The following LRRC37B variants were observed in gnomAD, a reference collection of about 807,000 sequenced individuals.
LRRC37B encodes the protein leucine rich repeat containing 37B.
In LRRC37B, 28 loss-of-function variants were observed where a neutral mutation model predicts 98.3. The ratio of observed to expected loss-of-function variants is 0.28; its 90% CI spans 0.21 to 0.39. The LOEUF is 0.39. Among genes scored for constraint, LRRC37B ranks in the 10% least tolerant of loss-of-function variants. LRRC37B has a pLI of 1.00. For missense variants in LRRC37B, 938 were observed against 1,182.7 expected (o/e 0.79, Z 3.03); for synonymous variants, 364 against 442.7 (o/e 0.82, Z 2.23).
Position 32,039,601 on chromosome 17 carries a change from TTA to T in LRRC37B, c.2204+3978_2204+3979del, listed in dbSNP as rs200331701. 1.4e-3 allele frequency among the ~76,000 whole-genome samples: 189 copies of T among 133,176 alleles called. 1 individual carries two copies. The East Asian group carries it at 0.019, about 13-fold the overall frequency. 87.4% of individuals were successfully genotyped at this position (133,176 alleles called of 152,430 possible). On this transcript the variant is annotated intron_variant, in intron 7 of 11. Coordinates refer to ENST00000327564, the Ensembl canonical transcript of LRRC37B. ...TATATATTTTATATATTTATATATA[TTA>T]TATATATATATATATTTCTGCAAGG...
chr17:32,025,652 A>G (rs1035435543), intron 2 of LRRC37B, among the ~76,000 whole-genome samples: 5 of 152,214 alleles, frequency 3.3e-5, no homozygotes, highest in Admixed American at 2.0e-4. Flanking sequence ...CCATTCATTT[A>G]AACTCCTGCA....
chr17:32,022,476 G>A, exon 1 of LRRC37B: 1 of 1,612,940 alleles, frequency 6.2e-7, no homozygotes, highest in Non-Finnish European at 8.5e-7. Flanking sequence ...GGAAACCTCA[G>A]CTCAGCCTCC....
At chr17:32,021,897 C>T in exon 1 of LRRC37B, 1 of 1,614,158 alleles carries the variant, frequency 6.2e-7, no homozygotes, top group Non-Finnish European at 8.5e-7. Context: ...GCCTCCAGGG[C>T]CTCCTGAGCA....
intron 3 of LRRC37B, among the ~76,000 whole-genome samples, chr17:32,029,263 G>A (rs528185820): frequency 3.3e-5 from 5 of 152,258 alleles, no homozygotes; most frequent in African/African-American, 1.2e-4. Flanking sequence ...CTCCCAAAGT[G>A]CTGGGATTAC....
In LRRC37B at chr17:32,035,384, G is replaced by A. The variant is rs113304719; in HGVS notation, c.2130-181G>A. On this transcript the variant is annotated intron_variant, in intron 6 of 11. Transcript: ENST00000327564. ...TCTTAAATATCATTAATTTGATGAC[G>A]TAGATCAACTTAAATTTCTTTAATA... Among the ~76,000 whole-genome samples the A allele has an allele frequency of 1.7e-3, 256 of 152,188 alleles. 1 individual carries two copies. The highest frequency in any genetic ancestry group is 5.3e-3 in the African/African-American group (220 of 41,528).
chr17:32,029,246 C>A (rs1372760358), intron 3 of LRRC37B, among the ~76,000 whole-genome samples: 1 of 152,188 alleles, frequency 6.6e-6, no homozygotes, highest in Non-Finnish European at 1.5e-5. Context: ...AATCCACCCG[C>A]CTCAGCCTCC....
chr17:32,022,098 A>G (rs1287539424), exon 1 of LRRC37B: 1 of 1,613,212 alleles, frequency 6.2e-7, no homozygotes, highest in East Asian at 2.2e-5. Context: ...TCTAGCTCAA[A>G]CTCCACTGAA....
chr17:32,048,535 A>G (rs1489063650), intron 9 of LRRC37B, among the ~76,000 whole-genome samples: 3 of 151,166 alleles, frequency 2.0e-5, no homozygotes, highest in Non-Finnish European at 4.4e-5. Context: ...TCAGAGACAG[A>G]TCGAAAGACT....
intron 7 of LRRC37B, chr17:32,040,846 A>T (rs1336119268): frequency 2.5e-6 from 2 of 813,092 alleles, no homozygotes; most frequent in South Asian, 1.4e-5. Flanking sequence ...AACTTCATTG[A>T]CCTCCTCCAG....
Position 32,024,706 on chromosome 17 carries a change from T to C in LRRC37B, c.1761-5T>C, listed in dbSNP as rs112648041. The stretch of plus-strand genomic sequence containing the variant: ...TTCAAGGATATAAACTGTCTTTCTT[T>C]GCAGAAATTTCCAAGGAAACTATAT... On this transcript the variant is annotated splice_polypyrimidine_tract_variant and splice_region_variant and intron_variant, in intron 1 of 11. Transcript: ENST00000327564. 9.2e-3 allele frequency: 14,738 copies of C among 1,606,772 alleles called. 750 individuals are homozygous for C. The African/African-American group carries it at 0.15, about 17-fold the overall frequency.
upstream of LRRC37B, chr17:32,017,938 G>T (rs1000843611): frequency 5.0e-6 from 1 of 200,136 alleles, no homozygotes; most frequent in Non-Finnish European, 1.1e-5. Flanking sequence ...GAATGAAAAA[G>T]ATTCTGAATT....
intron 2 of LRRC37B, among the ~76,000 whole-genome samples, chr17:32,025,489 A>C (rs1910928461): frequency 6.6e-6 from 1 of 151,460 alleles, no homozygotes; most frequent in Admixed American, 6.6e-5. Flanking sequence ...TATTTACATA[A>C]AGCAAAATAG....
chr17:32,008,086 C>T lies in LRRC37B; in HGVS notation c.-237C>T. ...ATCCGGAGGAGCTGGAAGATGACGA[C>T]GAGGACGCCAGTTACTCCACGGAAA... On this transcript the variant is annotated 5_prime_UTR_variant, in exon 1 of 15. It adds an upstream start codon to the 5' untranslated region. Transcript: ENST00000543378. 2.2e-6 allele frequency: 1 copy of T among 454,480 alleles called. No homozygotes were observed. Among genetic ancestry groups the T allele is most frequent in the South Asian group, 2.2e-5 (1 of 44,756 alleles). The allele number at this position is 454,480 out of a possible 1,614,324, so 28.2% of individuals were successfully genotyped here. A position where few individuals can be genotyped will look rare whatever the true frequency, so the allele number is the denominator to read the frequency against.
chr17:32,047,695 A>G (rs1911627838), intron 8 of LRRC37B, 66 bp from the exon 12 acceptor site: 10 of 1,610,710 alleles, frequency 6.2e-6, no homozygotes, highest in South Asian at 1.1e-5. Flanking sequence ...GCATATAGCT[A>G]TGGACTGAGT....
intron 7 of LRRC37B, chr17:32,041,217 G>A (rs570587594): frequency 2.5e-4 from 191 of 771,448 alleles, no homozygotes; most frequent in Non-Finnish European, 4.0e-4. Flanking sequence ...CTTTGACCTC[G>A]GAGAGCCTGA....
chr17:32,010,241 G>A (rs1263863802), intron 1 of LRRC37B, among the ~76,000 whole-genome samples: 2 of 152,200 alleles, frequency 1.3e-5, no homozygotes, highest in Non-Finnish European at 2.9e-5. Flanking sequence ...TTGCAGCTCT[G>A]CCATTGTAGC....
intron 1 of LRRC37B, among the ~76,000 whole-genome samples, chr17:32,012,029 A>T (rs1340377658): frequency 6.7e-6 from 1 of 149,530 alleles, no homozygotes; most frequent in Non-Finnish European, 1.5e-5. Context: ...ATGATGAATT[A>T]AAAAAAAAAA....
At chr17:32,010,738 C>T (rs1379343145) in intron 1 of LRRC37B, among the ~76,000 whole-genome samples, 7 of 152,126 alleles carry the variant, frequency 4.6e-5, no homozygotes, top group Non-Finnish European at 1.0e-4. Context: ...AAAACTTATT[C>T]CTTCTATCTG....
At chr17:32,017,100 C>G (rs1187475011), upstream of LRRC37B, 1 of 152,186 alleles carries the variant, frequency 6.6e-6, no homozygotes, top group Non-Finnish European at 1.5e-5. Context: ...GCAAAGGTAT[C>G]CCTTGCACAC....
Sources: allele counts gnomAD v4.1 joint callset (sites outside exome capture counted in the v4.1 genomes callset), GRCh38; gene constraint gnomAD v4.1.1; transcripts MANE v1.5; gene names NCBI Gene and HGNC (gene_info 2026-07-23, HGNC 2026-07-21).